TCF20: variants seen among roughly 807,000 people sequenced by gnomAD.
The protein encoded by TCF20 is transcription factor 20, also known as SPRE-binding protein.
Under a neutral mutation model 148.6 loss-of-function variants are expected in TCF20, and 3 were observed. The ratio of observed to expected loss-of-function variants is 0.02; its 90% CI spans 0.01 to 0.05. The LOEUF (loss-of-function observed/expected upper bound fraction) is 0.05. TCF20 is among the 10% of genes least tolerant of loss of function. TCF20 has a pLI of 1.00. For synonymous variants in TCF20, 1,049 were observed against 909.5 expected, an observed-to-expected ratio of 1.15 and a Z score of -2.76; for missense variants, 2,350 against 2,429.3, an observed-to-expected ratio of 0.97 and a Z score of 0.69.
chr22:42,218,391 A>ACC (rs1922018528), intron 1 of TCF20, among the ~76,000 whole-genome samples: 1 of 151,866 alleles, frequency 6.6e-6, no homozygotes, highest in Admixed American at 6.6e-5. Flanking sequence ...CTGGCTCTTC[A>ACC]CCCGCTCCCC....
intron 1 of TCF20, among the ~76,000 whole-genome samples, chr22:42,267,836 CAA>C (rs1367007525): frequency 1.3e-5 from 2 of 152,066 alleles, no homozygotes; most frequent in Non-Finnish European, 1.5e-5. Context: ...GGAAACTGTT[CAA>C]AGAGACTGAA....
chr22:42,257,045 A>C (rs932513347), intron 1 of TCF20, among the ~76,000 whole-genome samples: 1 of 152,186 alleles, frequency 6.6e-6, no homozygotes, highest in Non-Finnish European at 1.5e-5. Context: ...CTGTAGTCGC[A>C]GATACTCAGG....
At chr22:42,256,794 T>C (rs1925770457) in intron 1 of TCF20, among the ~76,000 whole-genome samples, 1 of 152,208 alleles carries the variant, frequency 6.6e-6, no homozygotes, top group Non-Finnish European at 1.5e-5. Context: ...ATAGGAGTCA[T>C]CTGGCTGGAA....
rs565830219 is a variant in TCF20, at chr22:42,161,507, C to T, written c.*45-149G>A. ...ATGTGCTGCTGATATGGGACACACC[C>T]GAGACCAATGCCAGGGCCACTGTGT... On this transcript the variant is annotated intron_variant, in intron 5 of 5. Transcript: ENST00000677622. 8.7e-5 allele frequency: 86 copies of T among 994,146 alleles called. 1 individual carries two copies. The East Asian group carries it at 2.0e-3, about 23-fold the overall frequency. 61.6% of individuals were successfully genotyped at this position (994,146 alleles called of 1,614,324 possible).
intron 1 of TCF20, among the ~76,000 whole-genome samples, chr22:42,291,383 A>C (rs1031136929): frequency 1.3e-5 from 2 of 152,110 alleles, no homozygotes; most frequent in Admixed American, 1.3e-4. Flanking sequence ...CAGTGTGTGG[A>C]GCGGCAAAGG....
upstream of TCF20, among the ~76,000 whole-genome samples, chr22:42,270,689 G>A (rs1433204625): frequency 7.1e-6 from 1 of 140,764 alleles, no homozygotes; most frequent in Non-Finnish European, 1.6e-5. Flanking sequence ...CAATGGGGAG[G>A]CTCCGGGCCG....
intron 1 of TCF20, among the ~76,000 whole-genome samples, chr22:42,265,694 A>T (rs1926248939): frequency 6.6e-6 from 1 of 152,210 alleles, no homozygotes; most frequent in South Asian, 2.1e-4. Flanking sequence ...CATGAGTAAG[A>T]AGGCTTAAGG....
chr22:42,324,686 C>T (rs902011507), intron 1 of TCF20, among the ~76,000 whole-genome samples: 41 of 151,318 alleles, frequency 2.7e-4, no homozygotes, highest in East Asian at 2.0e-4. Context: ...TAATCTCCAC[C>T]ATTTGAGAAA....
intron 1 of TCF20, among the ~76,000 whole-genome samples, chr22:42,283,565 C>G (rs1926959588): frequency 6.6e-6 from 1 of 152,144 alleles, no homozygotes; most frequent in South Asian, 2.1e-4. Context: ...ACATCCCCCG[C>G]CTCCCCGCCC....
intron 2 of TCF20, among the ~76,000 whole-genome samples, chr22:42,189,294 A>T (rs1937209004): frequency 6.6e-6 from 1 of 152,190 alleles, no homozygotes; most frequent in Non-Finnish European, 1.5e-5. Flanking sequence ...AGTGTGTGGC[A>T]GTGTAAATCA....
chr22:42,203,281 G>A (rs1375067851), intron 2 of TCF20, among the ~76,000 whole-genome samples: 1 of 152,080 alleles, frequency 6.6e-6, no homozygotes, highest in African/African-American at 2.4e-5. Flanking sequence ...AAAGTGCTAG[G>A]ATTACAAGCA....
chr22:42,270,422 C>T lies in TCF20; in HGVS notation c.-120G>A, dbSNP rs1569196476. 7.1e-6 allele frequency among the ~76,000 whole-genome samples: 1 copy of T among 140,448 alleles called. No homozygotes were observed. Among genetic ancestry groups the T allele is most frequent in the Non-Finnish European group, 1.6e-5 (1 of 64,388 alleles). The allele number at this position is 140,448 out of a possible 152,430, so 92.1% of individuals were successfully genotyped here. ...GGTGGCGACGGCGGGCGGCGCTGCG[C>T]GGGGTGGGGGTGGGGGTGGCTCCGC... On this transcript the variant is annotated 5_prime_UTR_variant, in exon 1 of 6. Coordinates refer to ENST00000677622, the MANE Select transcript of TCF20 (RefSeq NM_001378418.1).
At chr22:42,216,958 CAAAA>C in intron 1 of TCF20, among the ~76,000 whole-genome samples, 1 of 152,148 alleles carries the variant, frequency 6.6e-6, no homozygotes. Flanking sequence ...AAACAAGTTC[CAAAA>C]TACATATAGG....
At chr22:42,251,089 A>G (rs896498167) in intron 1 of TCF20, among the ~76,000 whole-genome samples, 12 of 152,202 alleles carry the variant, frequency 7.9e-5, no homozygotes, top group African/African-American at 2.9e-4. Flanking sequence ...ACAATTCAAC[A>G]TGAGATTTGG....
chr22:42,215,362 A>C, intron 1 of TCF20, 21 bp from the exon 2 acceptor site: 5 of 1,542,058 alleles, frequency 3.2e-6, no homozygotes, highest in Non-Finnish European at 4.4e-6. Context: ...AAGAAAGAAA[A>C]ACATTAGACA....
intron 1 of TCF20, among the ~76,000 whole-genome samples, chr22:42,250,161 C>T (rs1925245135): frequency 6.6e-6 from 1 of 152,120 alleles, no homozygotes; most frequent in Non-Finnish European, 1.5e-5. Context: ...TGAAACTGGC[C>T]AGGCACGGTG....
At chr22:42,230,726 C>T (rs992910900) in intron 1 of TCF20, among the ~76,000 whole-genome samples, 4 of 152,116 alleles carry the variant, frequency 2.6e-5, no homozygotes, top group Non-Finnish European at 5.9e-5. Context: ...CCCTAAAGAC[C>T]TTCCAGTGGG....
chr22:42,183,415 C>A (rs185905763), intron 2 of TCF20, among the ~76,000 whole-genome samples: 201 of 152,298 alleles, frequency 1.3e-3, no homozygotes, highest in Non-Finnish European at 1.9e-4. Context: ...CCCATAAAAG[C>A]AAACGATTCC....
At chr22:42,182,689 G>T (rs550541947) in intron 2 of TCF20, among the ~76,000 whole-genome samples, 46 of 152,324 alleles carry the variant, frequency 3.0e-4, no homozygotes, top group African/African-American at 1.1e-3. Flanking sequence ...TGGTCCCCTG[G>T]AACAGCAGCA....
Sources: allele counts gnomAD v4.1 joint callset (sites outside exome capture counted in the v4.1 genomes callset), GRCh38; gene constraint gnomAD v4.1.1; transcripts MANE v1.5; gene names NCBI Gene and HGNC (gene_info 2026-07-23, HGNC 2026-07-21).